The following SFXN5 variants were observed in gnomAD, a reference collection of about 807,000 sequenced individuals.
SFXN5 encodes sideroflexin 5.
Under a neutral mutation model 50.2 loss-of-function variants are expected in SFXN5, and 43 were observed. The observed-to-expected ratio is 0.86, with a 90% CI of 0.67 to 1.11. SFXN5 has a LOEUF of 1.11. Ranked by LOEUF, SFXN5 falls within the 50% of genes least tolerant of loss-of-function variation. The pLI, the probability that SFXN5 is intolerant of heterozygous loss-of-function variation, is 0.00. For synonymous variants in SFXN5, 203 were observed against 185.8 expected (o/e 1.09, Z -0.75); for missense variants, 463 against 454.1 (o/e 1.02, Z -0.18).
chr2:73,049,803 C>T (rs143268102), intron 2 of SFXN5: 1 of 152,122 alleles, frequency 6.6e-6, no homozygotes, highest in Admixed American at 6.5e-5. Flanking sequence ...ACTCAAAAGT[C>T]TGAAGTCAGA....
rs571451023 is a variant in SFXN5, at chr2:73,003,400, C to A, written c.358-1822G>T. Among the ~76,000 whole-genome samples the A allele has an allele frequency of 2.0e-5, 3 of 152,336 alleles. No individual in the cohort carries two copies. In the East Asian group the frequency reaches 5.8e-4, roughly 29 times the overall value. The stretch of plus-strand genomic sequence containing the variant: ...AGATACAGCCCAATAGCACTCACTG[C>A]ATTTACCAGACAACTGCTGTCCAGG... On this transcript the variant is annotated intron_variant, in intron 6 of 13. Coordinates refer to ENST00000272433, the MANE Select transcript of SFXN5 (RefSeq NM_144579.3).
chr2:73,029,880 T>C lies in SFXN5; in HGVS notation c.250-6666A>G, dbSNP rs1678074526. On this transcript the variant is annotated intron_variant, in intron 3 of 13. Transcript: ENST00000272433. ...TGAGCTCAGGAGTTTGAGAACAGCC[T>C]GGGCAACATGGCGAAATCCCATCTC... Among the ~76,000 whole-genome samples, 5 of 152,190 alleles carry C rather than the reference T, an allele frequency of 3.3e-5. No individual in the cohort carries two copies. The South Asian group carries it at 1.0e-3, about 32-fold the overall frequency.
intron 9 of SFXN5, among the ~76,000 whole-genome samples, chr2:72,995,620 G>A (rs1440937536): frequency 1.3e-5 from 2 of 152,056 alleles, no homozygotes; most frequent in Non-Finnish European, 2.9e-5. Context: ...CTGCTTGTAG[G>A]GACTCGTTTT....
At chr2:73,041,661 T>A (rs774131558) in intron 2 of SFXN5, 40 of 407,648 alleles carry the variant, frequency 9.8e-5, no homozygotes, top group Non-Finnish European at 1.8e-4. Context: ...CAAGACTCCA[T>A]CTAAAAAAGA....
intron 1 of SFXN5, among the ~76,000 whole-genome samples, chr2:73,064,098 C>G (rs959885009): frequency 3.3e-5 from 5 of 152,228 alleles, no homozygotes. Flanking sequence ...CCTCCACCAG[C>G]CAGCTCTCTC....
chr2:73,065,948 T>C (rs1230949398), intron 1 of SFXN5, among the ~76,000 whole-genome samples: 1 of 152,064 alleles, frequency 6.6e-6, no homozygotes, highest in Non-Finnish European at 1.5e-5. Flanking sequence ...ATGGCAAACA[T>C]GGTGTCTGGG....
At chr2:72,996,753 G>A (rs977443656) in intron 9 of SFXN5, 4 of 152,088 alleles carry the variant, frequency 2.6e-5, no homozygotes, top group Admixed American at 2.6e-4. Context: ...TGAGCCCCAG[G>A]CCTGCAGGTG....
At position 72,965,066 on chromosome 2, in the gene SFXN5, CT is replaced by C. The variant is rs1045470984; in HGVS notation, c.827+3381del. On this transcript the variant is annotated intron_variant, in intron 12 of 13. Coordinates refer to ENST00000272433, the MANE Select transcript of SFXN5 (RefSeq NM_144579.3). ...AGACCACCCTGGCCTGCCACACCCC[CT>C]GATCCTGTACCTAAAAATCCCTGAG... Among the ~76,000 whole-genome samples the C allele has an allele frequency of 9.8e-5, 15 of 152,338 alleles. No homozygotes were observed. In the South Asian group the frequency reaches 1.0e-3, roughly 11 times the overall value.
At chr2:73,028,902 C>T (rs943648442) in intron 3 of SFXN5, among the ~76,000 whole-genome samples, 1 of 152,202 alleles carries the variant, frequency 6.6e-6, no homozygotes, top group Non-Finnish European at 1.5e-5. Flanking sequence ...CTGGCTCTGT[C>T]GCTTACTCCA....
In SFXN5 at chr2:73,022,466, G is replaced by C. The variant is rs918022960; in HGVS notation, c.331+56C>G. The C allele has an allele frequency of 8.9e-6, 12 of 1,352,806 alleles. No individual in the cohort carries two copies. The East Asian group carries it at 2.7e-4, about 31-fold the overall frequency. 83.8% of individuals were successfully genotyped at this position (1,352,806 alleles called of 1,614,324 possible). On this transcript the variant is annotated intron_variant, in intron 5 of 13. Coordinates refer to ENST00000272433, the MANE Select transcript of SFXN5 (RefSeq NM_144579.3). ...AGCACATCTGGATGCTCCTGGAACT[G>C]TGACTGGAGTAAGCACCCCAGGCTG... is the stretch of plus-strand genomic sequence containing the variant.
intron 2 of SFXN5, chr2:73,041,673 A>T (rs1203109536): frequency 2.5e-6 from 1 of 402,996 alleles, no homozygotes; most frequent in East Asian, 7.6e-5. Context: ...TAAAAAAGAA[A>T]AAAATAGAAA....
chr2:73,041,047 C>T (rs77015747), intron 2 of SFXN5, 116 bp from the exon 3 acceptor site: 6 of 696,196 alleles, frequency 8.6e-6, no homozygotes, highest in Non-Finnish European at 1.4e-5. Context: ...TGGGCCTGCC[C>T]TCAGTTCATG....
chr2:73,034,291 G>C (rs1238255710), intron 3 of SFXN5, among the ~76,000 whole-genome samples: 1 of 152,228 alleles, frequency 6.6e-6, no homozygotes, highest in African/African-American at 2.4e-5. Flanking sequence ...CTTGATGCTA[G>C]GAGTCAGGGT....
chr2:72,995,423 AG>A (rs1673103872), intron 9 of SFXN5, among the ~76,000 whole-genome samples: 1 of 152,324 alleles, frequency 6.6e-6, no homozygotes, highest in Non-Finnish European at 1.5e-5. Flanking sequence ...TCCTGCAACC[AG>A]CAGGAGTCTT....
intron 6 of SFXN5, among the ~76,000 whole-genome samples, chr2:73,015,583 G>A (rs1001179417): frequency 3.3e-5 from 5 of 151,908 alleles, no homozygotes; most frequent in South Asian, 2.1e-4. Flanking sequence ...GCCTCTCAAA[G>A]TGCTGGGATA....
chr2:73,030,156 G>A (rs577936779), intron 3 of SFXN5, among the ~76,000 whole-genome samples: 18 of 152,078 alleles, frequency 1.2e-4, no homozygotes, highest in African/African-American at 4.3e-4. Context: ...AAGTCTCACA[G>A]CACCGGGATG....
chr2:73,034,225 T>G (rs947233064), intron 3 of SFXN5, among the ~76,000 whole-genome samples: 1 of 152,164 alleles, frequency 6.6e-6, no homozygotes, highest in African/African-American at 2.4e-5. Flanking sequence ...TGCTACCAGT[T>G]AGGGCCATGC....
intron 1 of SFXN5, among the ~76,000 whole-genome samples, chr2:73,063,563 T>C (rs557306304): frequency 2.0e-5 from 3 of 152,274 alleles, no homozygotes; most frequent in East Asian, 1.9e-4. Context: ...ATGAGAAACG[T>C]TGTGACCAGA....
chr2:72,969,232 G>A (rs559578899), intron 11 of SFXN5, among the ~76,000 whole-genome samples: 1 of 152,352 alleles, frequency 6.6e-6, no homozygotes, highest in East Asian at 1.9e-4. Context: ...TACCTCGGGG[G>A]TGGTGGGCAC....
Sources: allele counts gnomAD v4.1 joint callset (sites outside exome capture counted in the v4.1 genomes callset), GRCh38; gene constraint gnomAD v4.1.1; transcripts MANE v1.5; gene names NCBI Gene and HGNC (gene_info 2026-07-23, HGNC 2026-07-21).